The following C9orf85 variants were observed in gnomAD, a reference collection of about 807,000 sequenced individuals.
The protein encoded by C9orf85 is chromosome 9 open reading frame 85.
In C9orf85, 16 loss-of-function variants were observed where a neutral mutation model predicts 14.9. The observed-to-expected ratio is 1.08, with a 90% CI of 0.73 to 1.63. C9orf85 has a LOEUF of 1.63. C9orf85 is among the 40% of genes most tolerant of loss of function. The probability of loss-of-function intolerance (pLI) is 0.00; values close to 1 mark genes in which losing one functional copy is unlikely to be tolerated. For synonymous variants in C9orf85, 45 were observed against 56.8 expected (o/e 0.79, Z 0.93); for missense variants, 172 against 186.1 (o/e 0.92, Z 0.44).
At chr9:71,967,737 G>GTTTTTTTTTTTTT (rs1822734524) in intron 2 of C9orf85, among the ~76,000 whole-genome samples, 1 of 76,812 alleles carries the variant, frequency 1.3e-5, no homozygotes, top group Non-Finnish European at 2.3e-5. Context: ...TTTTTTTTTG[G>GTTTTTTTTTTTTT]CTGCCATTGC....
chr9:71,913,301 C>T (rs1160604539), intron 1 of C9orf85, among the ~76,000 whole-genome samples: 1 of 152,166 alleles, frequency 6.6e-6, no homozygotes, highest in African/African-American at 2.4e-5. Flanking sequence ...ATTTAATAAG[C>T]ACCTTCCGTG....
intron 1 of C9orf85, among the ~76,000 whole-genome samples, chr9:71,913,616 TA>T (rs896631346): frequency 6.6e-5 from 10 of 152,180 alleles, no homozygotes; most frequent in Admixed American, 1.3e-4. Flanking sequence ...AGAATAAAAA[TA>T]AAAAGCTGCA....
intron 1 of C9orf85, among the ~76,000 whole-genome samples, chr9:71,928,160 C>G (rs367614050): frequency 2.8e-5 from 4 of 142,558 alleles, no homozygotes; most frequent in Middle Eastern, 3.8e-3. Flanking sequence ...GTACTCCAGC[C>G]TGGGCAACAG....
intron 2 of C9orf85, among the ~76,000 whole-genome samples, chr9:71,970,791 G>A (rs1343159638): frequency 1.3e-5 from 2 of 151,200 alleles, no homozygotes; most frequent in Non-Finnish European, 2.9e-5. Flanking sequence ...ATCAGTTTGG[G>A]GAGTATTGCT....
At chr9:71,951,209 T>A (rs1439482867) in intron 2 of C9orf85, among the ~76,000 whole-genome samples, 1 of 152,182 alleles carries the variant, frequency 6.6e-6, no homozygotes, top group Non-Finnish European at 1.5e-5. Flanking sequence ...CTCCAGAGAC[T>A]TTTTAGAAAA....
chr9:71,954,214 C>T (rs1230394673), intron 2 of C9orf85, among the ~76,000 whole-genome samples: 1 of 145,292 alleles, frequency 6.9e-6, no homozygotes, highest in African/African-American at 2.6e-5. Context: ...GCTTTGTCAG[C>T]AGAGAAGTTC....
chr9:71,920,891 C>T (rs1036350109), intron 1 of C9orf85, among the ~76,000 whole-genome samples: 1 of 152,110 alleles, frequency 6.6e-6, no homozygotes, highest in African/African-American at 2.4e-5. Context: ...TTAATGGACC[C>T]CCCCTTTCAG....
At chr9:71,965,184 G>A (rs966230930) in intron 2 of C9orf85, among the ~76,000 whole-genome samples, 6 of 152,176 alleles carry the variant, frequency 3.9e-5, no homozygotes, top group Admixed American at 2.0e-4. Flanking sequence ...AGCCATTGCC[G>A]GCTTGAATGC....
At chr9:71,971,677 T>C in intron 3 of C9orf85, 59 bp downstream of exon 3, 4 of 1,211,164 alleles carry the variant, frequency 3.3e-6, no homozygotes, top group South Asian at 1.2e-5. Flanking sequence ...TGAATTTCTT[T>C]TAAGAGATGA....
chr9:71,951,728 TTTGA>T, intron 2 of C9orf85, among the ~76,000 whole-genome samples: 1 of 152,278 alleles, frequency 6.6e-6, no homozygotes, highest in East Asian at 1.9e-4. Flanking sequence ...GTTTTTTACT[TTTGA>T]AAAAGAACCC....
chr9:71,945,946 T>C (rs923432751), intron 1 of C9orf85, among the ~76,000 whole-genome samples: 2 of 152,228 alleles, frequency 1.3e-5, no homozygotes, highest in African/African-American at 4.8e-5. Context: ...GTGTCCTGAA[T>C]CAAATGAGTA....
downstream of C9orf85, among the ~76,000 whole-genome samples, chr9:71,976,617 G>C (rs549773582): frequency 7.3e-5 from 11 of 150,840 alleles, no homozygotes; most frequent in South Asian, 1.9e-3. Flanking sequence ...AGCCGAGATC[G>C]CGCCACTGCA....
intron 2 of C9orf85, among the ~76,000 whole-genome samples, chr9:71,969,951 CT>C (rs56239010): frequency 6.8e-6 from 1 of 147,988 alleles, no homozygotes; most frequent in Non-Finnish European, 1.5e-5. Context: ...AGGGTTTTTT[CT>C]TTTTTTTTTC....
chr9:71,964,993 C>G (rs940192856), intron 2 of C9orf85, among the ~76,000 whole-genome samples: 2 of 152,204 alleles, frequency 1.3e-5, no homozygotes, highest in Admixed American at 1.3e-4. Flanking sequence ...AGCGGACACC[C>G]TACCGGATCC....
chr9:71,971,360 A>G (rs1589274183), intron 2 of C9orf85, 145 bp from the exon 3 acceptor site: 3 of 450,954 alleles, frequency 6.7e-6, no homozygotes, highest in East Asian at 7.2e-5. Context: ...TAATTAATTT[A>G]GAGTGACATA....
intron 1 of C9orf85, among the ~76,000 whole-genome samples, chr9:71,938,196 G>A (rs775242839): frequency 6.6e-6 from 1 of 152,024 alleles, no homozygotes; most frequent in Non-Finnish European, 1.5e-5. Context: ...TCATATAGTA[G>A]GGGTGTTCTG....
At chr9:71,932,747 G>C (rs1048042230) in intron 1 of C9orf85, among the ~76,000 whole-genome samples, 2 of 152,064 alleles carry the variant, frequency 1.3e-5, no homozygotes, top group African/African-American at 2.4e-5. Flanking sequence ...AGGAAAATAT[G>C]GCTCATTCAA....
At chr9:71,946,592 A>G (rs530293321) in intron 1 of C9orf85, among the ~76,000 whole-genome samples, 3 of 152,182 alleles carry the variant, frequency 2.0e-5, no homozygotes, top group Admixed American at 2.0e-4. Context: ...CAGGAGTTCA[A>G]AACCACCCTG....
rs1219292168 is a variant in C9orf85 at position 71,971,626 on chromosome 9, T to A, written c.323+8T>A. 6.4e-7 allele frequency: 1 copy of A among 1,551,596 alleles called. No homozygotes were observed. The highest frequency in any genetic ancestry group is 2.2e-5 in the East Asian group (1 of 44,494). On this transcript the variant is annotated splice_region_variant and intron_variant, in intron 3 of 3. Transcript: ENST00000334731. ...AGAAGACATTGTTATTCCGTGAGTGTTTCCTTTTATGTTTGAATTTTACTC... is the reference window on the plus strand; with the variant it reads ...AGAAGACATTGTTATTCCGTGAGTGATTCCTTTTATGTTTGAATTTTACTC...
Sources: gnomAD v4.1 joint callset for allele counts (sites outside exome capture counted in the v4.1 genomes callset) on GRCh38, gnomAD v4.1.1 for gene constraint, MANE v1.5 for transcripts, NCBI Gene and HGNC (gene_info 2026-07-23, HGNC 2026-07-21) for gene names.